Variants in ANKS1B observed in about 807,000 individuals in gnomAD.
The protein encoded by ANKS1B is ankyrin repeat and sterile alpha motif domain-containing protein 1B.
In ANKS1B, 36 loss-of-function variants were observed where a neutral mutation model predicts 148.3. The observed-to-expected ratio is 0.24, with a 90% CI of 0.19 to 0.32. The LOEUF is 0.32. ANKS1B is among the 10% of genes least tolerant of loss of function. The probability of loss-of-function intolerance (pLI) is 1.00; values close to 1 mark genes in which losing one functional copy is unlikely to be tolerated. For synonymous variants in ANKS1B, 542 were observed against 560.8 expected (o/e 0.97, Z 0.47); for missense variants, 1,157 against 1,542.6 (o/e 0.75, Z 4.19).
intron 12 of ANKS1B, among the ~76,000 whole-genome samples, chr12:99,350,155 T>G (rs1474288442): frequency 6.6e-6 from 1 of 151,944 alleles, no homozygotes; most frequent in Non-Finnish European, 1.5e-5. Context: ...TTGTTTCAAA[T>G]GTGTAGCACC....
At chr12:99,131,293 C>T (rs145752984) in intron 15 of ANKS1B, among the ~76,000 whole-genome samples, 82 of 152,320 alleles carry the variant, frequency 5.4e-4, no homozygotes, top group African/African-American at 1.9e-3. Context: ...GCTTTCTTAA[C>T]TTACTTAATG....
intron 1 of ANKS1B, among the ~76,000 whole-genome samples, chr12:99,935,029 C>T (rs2094724210): frequency 1.3e-5 from 2 of 151,272 alleles, no homozygotes; most frequent in Non-Finnish European, 3.0e-5. Flanking sequence ...TATATACAGT[C>T]CTTTCTATTC....
At chr12:98,975,071 CCT>C (rs2099891255) in intron 17 of ANKS1B, among the ~76,000 whole-genome samples, 1 of 133,276 alleles carries the variant, frequency 7.5e-6, no homozygotes, top group African/African-American at 3.0e-5. Context: ...CTTCTTCCTC[CCT>C]CTCTCCCTCC....
chr12:98,955,144 A>T (rs964031687), intron 17 of ANKS1B, among the ~76,000 whole-genome samples: 6 of 152,216 alleles, frequency 3.9e-5, no homozygotes, highest in Non-Finnish European at 5.9e-5. Flanking sequence ...AAATCATAAG[A>T]GGAATTTATA....
intron 11 of ANKS1B, among the ~76,000 whole-genome samples, chr12:99,422,238 T>G (rs1032298707): frequency 6.6e-6 from 1 of 152,166 alleles, no homozygotes; most frequent in Non-Finnish European, 1.5e-5. Context: ...TAATTCTTCT[T>G]GATGGGACTG....
intron 8 of ANKS1B, among the ~76,000 whole-genome samples, chr12:99,668,730 T>A (rs924213704): frequency 6.6e-6 from 1 of 151,972 alleles, no homozygotes; most frequent in African/African-American, 2.4e-5. Flanking sequence ...TTTTTTTTTG[T>A]TATTCTTTCA....
intron 11 of ANKS1B, among the ~76,000 whole-genome samples, chr12:99,432,840 A>G (rs2095399617): frequency 6.6e-6 from 1 of 152,188 alleles, no homozygotes; most frequent in Admixed American, 6.5e-5. Context: ...TACTGTTGGG[A>G]AGATGACATG....
At chr12:99,327,122 A>G (rs1169922786) in intron 12 of ANKS1B, among the ~76,000 whole-genome samples, 2 of 125,642 alleles carry the variant, frequency 1.6e-5, no homozygotes, top group Non-Finnish European at 3.2e-5. Context: ...TATAACTAAT[A>G]TAATTAATAT....
intron 8 of ANKS1B, among the ~76,000 whole-genome samples, chr12:99,755,686 C>T (rs991281641): frequency 6.7e-6 from 1 of 150,296 alleles, no homozygotes; most frequent in Non-Finnish European, 1.5e-5. Flanking sequence ...CCCTGAGATC[C>T]AAGGCTGGTT....
At chr12:99,482,381 G>T (rs572212702) in intron 10 of ANKS1B, among the ~76,000 whole-genome samples, 1 of 152,060 alleles carries the variant, frequency 6.6e-6, no homozygotes, top group East Asian at 1.9e-4. Flanking sequence ...TGTTCCATTT[G>T]TCTATGTGCC....
At chr12:99,166,625 G>A (rs543804243) in intron 14 of ANKS1B, among the ~76,000 whole-genome samples, 1 of 151,988 alleles carries the variant, frequency 6.6e-6, no homozygotes, top group African/African-American at 2.4e-5. Context: ...CTAAATAAAT[G>A]GAAAGATATA....
At chr12:99,621,908 A>C (rs1431098943) in intron 9 of ANKS1B, among the ~76,000 whole-genome samples, 3 of 152,166 alleles carry the variant, frequency 2.0e-5, no homozygotes, top group South Asian at 2.1e-4. Context: ...ATTGGATCTA[A>C]TATGCTTCTA....
intron 17 of ANKS1B, among the ~76,000 whole-genome samples, chr12:98,843,150 A>G (rs2099417311): frequency 6.6e-6 from 1 of 152,224 alleles, no homozygotes; most frequent in Admixed American, 6.5e-5. Context: ...TTTCTCTGAC[A>G]AAAACTCAGC....
chr12:98,812,538 G>T (rs1381741740), intron 19 of ANKS1B, among the ~76,000 whole-genome samples: 1 of 152,166 alleles, frequency 6.6e-6, no homozygotes, highest in Non-Finnish European at 1.5e-5. Flanking sequence ...GAATTTAAAA[G>T]AGTTTAAAAG....
At chr12:99,839,171 T>C (rs1368697636) in intron 1 of ANKS1B, among the ~76,000 whole-genome samples, 1 of 152,044 alleles carries the variant, frequency 6.6e-6, no homozygotes, top group East Asian at 1.9e-4. Flanking sequence ...AGCGTAGGAG[T>C]TTCAGTCCAG....
chr12:99,864,079 C>CAA (rs11445634), intron 1 of ANKS1B, among the ~76,000 whole-genome samples: 16,345 of 64,624 alleles, frequency 0.25, 2,316 homozygotes, highest in Non-Finnish European at 0.29. Flanking sequence ...GACTACATCT[C>CAA]AAAAAAAAAA....
chr12:99,504,677 G>A (rs1013128676), intron 9 of ANKS1B, 36 bp from the exon 10 acceptor site: 2 of 1,434,032 alleles, frequency 1.4e-6, no homozygotes, highest in African/African-American at 2.9e-5. Context: ...GCTTTGTGAT[G>A]AAGAAACAGC....
intron 17 of ANKS1B, among the ~76,000 whole-genome samples, chr12:99,031,211 T>C (rs1401789678): frequency 6.6e-6 from 1 of 152,240 alleles, no homozygotes; most frequent in Non-Finnish European, 1.5e-5. Flanking sequence ...CTTCTAGACA[T>C]ATTCCAAGTC....
chr12:99,598,459 A>G (rs2097774950), intron 9 of ANKS1B, among the ~76,000 whole-genome samples: 1 of 152,110 alleles, frequency 6.6e-6, no homozygotes. Context: ...TCCTCATTCT[A>G]CAGATATGGA....
Sources: allele counts gnomAD v4.1 joint callset (sites outside exome capture counted in the v4.1 genomes callset), GRCh38; gene constraint gnomAD v4.1.1; transcripts MANE v1.5; gene names NCBI Gene and HGNC (gene_info 2026-07-23, HGNC 2026-07-21).